The following GRM4 variants were observed in gnomAD, a reference collection of about 807,000 sequenced individuals.
GRM4 encodes glutamate metabotropic receptor 4.
GRM4 carries 28 observed loss-of-function variants against 81.7 expected under a neutral mutation model. The observed-to-expected ratio is 0.34, with a 90% CI of 0.25 to 0.47. The LOEUF is 0.47. Ranked by LOEUF, GRM4 falls within the 20% of genes least tolerant of loss-of-function variation. The probability of loss-of-function intolerance (pLI) is 1.00; values close to 1 mark genes in which losing one functional copy is unlikely to be tolerated. For missense variants in GRM4, 948 were observed against 1,290.0 expected, an observed-to-expected ratio of 0.73 and a Z score of 4.06; for synonymous variants, 488 against 528.8, an observed-to-expected ratio of 0.92 and a Z score of 1.06.
chr6:34,076,757 C>T (rs1767333236), intron 3 of GRM4, among the ~76,000 whole-genome samples: 1 of 152,158 alleles, frequency 6.6e-6, no homozygotes, highest in Non-Finnish European at 1.5e-5. Flanking sequence ...GCCCAGGGCC[C>T]AGATGTGAGC....
At position 34,115,709 on chromosome 6, in the gene GRM4, C is replaced by A. The variant is rs1769569007; in HGVS notation, c.519+17269G>T. ...ACTCCAATCCTCTGTCTGCTCCCAG[C>A]CCTCCCTAAATAACTGTGCAGCGCG... On this transcript the variant is annotated intron_variant, in intron 2 of 10. Coordinates refer to ENST00000538487, the MANE Select transcript of GRM4 (RefSeq NM_000841.4). The surrounding 1 kb of genome is among the most constrained non-coding windows in gnomAD (Gnocchi z 4.1). Among the ~76,000 whole-genome samples the A allele has an allele frequency of 6.6e-6, 1 of 152,208 alleles. No individual in the cohort carries two copies. Among genetic ancestry groups the A allele is most frequent in the Admixed American group, 6.5e-5 (1 of 15,286 alleles).
Position 34,040,203 on chromosome 6 carries a change from G to A in GRM4, c.1481C>T (p.Ser494Phe), listed in dbSNP as rs1463673580. The change falls in exon 8 of 11, where the codon TCC becomes TTC. Residue 494 changes from serine to phenylalanine, a missense_variant. Ser to Phe is a radical substitution (Grantham distance 155). Coordinates refer to ENST00000538487, the MANE Select transcript of GRM4 (RefSeq NM_000841.4). Reference protein sequence around the residue: ...NDSAEYKVIGSWTDHLHLRIE... With the variant: ...NDSAEYKVIGFWTDHLHLRIE... ...TCTAAGGTGCAGGTGGTCAGTCCAG[G>A]AGCCAATGACCTTGTACTCGGCAGA... is the stretch of plus-strand genomic sequence containing the variant. The A allele has an allele frequency of 6.2e-6, 10 of 1,613,988 alleles. No homozygotes were observed. The highest frequency in any genetic ancestry group is 8.5e-6 in the Non-Finnish European group (10 of 1,179,932).
chr6:34,105,062 G>A lies in GRM4; in HGVS notation c.520-12963C>T, dbSNP rs548225239. Among the ~76,000 whole-genome samples, 97 of 152,238 alleles carry A rather than the reference G, an allele frequency of 6.4e-4. 2 individuals are homozygous for A. Among genetic ancestry groups the A allele is most frequent in the Admixed American group, 3.3e-3 (51 of 15,304 alleles). On this transcript the variant is annotated intron_variant, in intron 2 of 10. Coordinates refer to ENST00000538487, the MANE Select transcript of GRM4 (RefSeq NM_000841.4). ...AAATTAACCATGGTGTCTGCCCAGT[G>A]CGTTCTCGAGTCAAGTTAATGTGCA...
At position 34,058,981 on chromosome 6, in the gene GRM4, G is replaced by T; in HGVS notation, c.1020C>A (p.Ser340=). The T allele has an allele frequency of 6.2e-7, 1 of 1,612,300 alleles. No homozygotes were observed. Among genetic ancestry groups the T allele is most frequent in the Non-Finnish European group, 8.5e-7 (1 of 1,179,672 alleles). The change falls in exon 5 of 11, where the codon TCC becomes TCA. Residue 340 remains serine (S), a synonymous_variant. Transcript: ENST00000538487. ...GAVTILPKRM[S]VRGFDRYFSS... ...GCACCCGCCCAGCCTTACCTCGTAC[G>T]GACATCCTCTTGGGGAGGATCGTGA...
chr6:34,104,629 T>C (rs1769025914), intron 2 of GRM4, among the ~76,000 whole-genome samples: 1 of 152,122 alleles, frequency 6.6e-6, no homozygotes, highest in African/African-American at 2.4e-5. Context: ...TGGCACACAC[T>C]GCGTGTCCAT....
At position 34,155,370 on chromosome 6, in the gene GRM4, T is replaced by C. The variant is rs935842182; in HGVS notation, c.21A>G (p.Gly7=). The C allele has an allele frequency of 1.3e-5, 20 of 1,503,938 alleles. No individual in the cohort carries two copies. The African/African-American group carries it at 2.6e-4, about 20-fold the overall frequency. 93.2% of individuals were successfully genotyped at this position (1,503,938 alleles called of 1,614,324 possible). The stretch of plus-strand genomic sequence containing the variant: ...CGCGCCAGCCGCAGGAAGCTGCAAC[T>C]CCAGGCTCCCAAGCCGGCATCCTCC... Residue 7 remains glycine, a synonymous_variant, in exon 1 of 9, where the codon GGA becomes GGG. Transcript: ENST00000374177.
At chr6:34,027,837 C>G (rs563930473) in intron 10 of GRM4, among the ~76,000 whole-genome samples, 1 of 152,314 alleles carries the variant, frequency 6.6e-6, no homozygotes, top group Non-Finnish European at 1.5e-5. Flanking sequence ...GGGCACAGAT[C>G]CCTGGAAGGG....
In GRM4 at chr6:34,044,863, GACAT is replaced by G. The variant is rs796740368; in HGVS notation, c.1169-4119_1169-4116del. Among the ~76,000 whole-genome samples the G allele has an allele frequency of 3.7e-3, 261 of 69,702 alleles. 5 individuals are homozygous for G. Among genetic ancestry groups the G allele is most frequent in the African/African-American group, 0.023 (229 of 10,172 alleles). 45.7% of individuals were successfully genotyped at this position (69,702 alleles called of 152,430 possible). A position where few individuals can be genotyped will look rare whatever the true frequency, so the allele number is the denominator to read the frequency against. The stretch of plus-strand genomic sequence containing the variant: ...ACATATATACATAGACACACACACA[GACAT>G]ACATACACATATATACAGACATACA... On this transcript the variant is annotated intron_variant, in intron 6 of 10. Coordinates refer to ENST00000538487, the MANE Select transcript of GRM4 (RefSeq NM_000841.4).
intron 3 of GRM4, among the ~76,000 whole-genome samples, chr6:34,079,337 C>T (rs1364955785): frequency 6.6e-6 from 1 of 152,144 alleles, no homozygotes; most frequent in Non-Finnish European, 1.5e-5. Flanking sequence ...CATCACTGCT[C>T]CTCAAGGCAG....
chr6:34,114,852 A>G lies in GRM4; in HGVS notation c.519+18126T>C, dbSNP rs1346549833. On this transcript the variant is annotated intron_variant, in intron 2 of 10. Coordinates refer to ENST00000538487, the MANE Select transcript of GRM4 (RefSeq NM_000841.4). This position sits in a 1 kb window ranked among gnomAD's most constrained non-coding sequence, Gnocchi z 4.3. ...ATCCAGGAAGGACCCAGATTTATTC[A>G]CTCGGCAATCCTGCCCATCCCCACC... Among the ~76,000 whole-genome samples, 2 of 152,006 alleles carry G rather than the reference A, an allele frequency of 1.3e-5. No individual in the cohort carries two copies. The highest frequency in any genetic ancestry group is 1.3e-4 in the Admixed American group (2 of 15,246).
intron 3 of GRM4, among the ~76,000 whole-genome samples, chr6:34,082,884 G>T (rs1396684920): frequency 6.6e-6 from 1 of 152,216 alleles, no homozygotes; most frequent in African/African-American, 2.4e-5. Context: ...CAGGCCGTCT[G>T]CCCCAGTGTC....
At chr6:34,081,447 AG>A (rs1767588543) in intron 3 of GRM4, among the ~76,000 whole-genome samples, 2 of 152,232 alleles carry the variant, frequency 1.3e-5, no homozygotes, top group Non-Finnish European at 2.9e-5. Context: ...TTCAGGCTCA[AG>A]GGCTCTGGGA....
At chr6:34,029,847 C>T (rs1426751241) in intron 9 of GRM4, among the ~76,000 whole-genome samples, 1 of 152,256 alleles carries the variant, frequency 6.6e-6, no homozygotes, top group Non-Finnish European at 1.5e-5. Flanking sequence ...CCTCAAAGTG[C>T]AGCCTCCAGG....
chr6:34,036,266 G>A lies in GRM4; in HGVS notation c.1844C>T (p.Thr615Met), dbSNP rs780360848. Residue 615 changes from threonine to methionine, a missense_variant, in exon 9 of 11, where the codon ACG (threonine) becomes ATG (methionine). By Grantham distance (81) the Thr-to-Met change is moderately conservative. Coordinates refer to ENST00000538487, the MANE Select transcript of GRM4 (RefSeq NM_000841.4). The surrounding 1 kb of genome is among the most constrained non-coding windows in gnomAD (Gnocchi z 9.0). ...VVITFVRYND[T>M]PIVKASGREL... ...ACGGCCCGAGGCCTTGACGATGGGCGTGTCGTTGTAGCGCACAAAGGTGAT... is the reference window on the plus strand; with the variant it reads ...ACGGCCCGAGGCCTTGACGATGGGCATGTCGTTGTAGCGCACAAAGGTGAT... 9 of 1,614,026 alleles carry A rather than the reference G, an allele frequency of 5.6e-6. No individual in the cohort carries two copies. Among genetic ancestry groups the A allele is most frequent in the Admixed American group, 1.7e-5 (1 of 60,004 alleles).
rs1763912639 is a variant in GRM4, at chr6:34,022,258, AGAG to A, written c.*560_*562del. 1 of 156,018 alleles carries A rather than the reference AGAG, an allele frequency of 6.4e-6. No homozygotes were observed. The highest frequency in any genetic ancestry group is 6.4e-5 in the Admixed American group (1 of 15,572). 9.7% of individuals were successfully genotyped at this position (156,018 alleles called of 1,614,324 possible). On this transcript the variant is annotated 3_prime_UTR_variant, in exon 11 of 11. Coordinates refer to ENST00000538487, the MANE Select transcript of GRM4 (RefSeq NM_000841.4). This position sits in a 1 kb window ranked among gnomAD's most constrained non-coding sequence, Gnocchi z 5.6. ...AGCAATGGCTGGACGAGAATGAAGC[AGAG>A]GAGAACAGGAAAGAAAACGGCAGAA...
In GRM4 at chr6:34,092,110, AG is replaced by A; in HGVS notation, c.520-12del. 1 of 1,580,686 alleles carries A rather than the reference AG, an allele frequency of 6.3e-7. No homozygotes were observed. Among genetic ancestry groups the A allele is most frequent in the Non-Finnish European group, 8.7e-7 (1 of 1,154,226 alleles). On this transcript the variant is annotated splice_polypyrimidine_tract_variant and intron_variant, in intron 2 of 10. Transcript: ENST00000538487. This position sits in a 1 kb window ranked among gnomAD's most constrained non-coding sequence, Gnocchi z 6.8. ...GCTGATCTGGGGTATCTGAGGGGCG[AG>A]AGGGGCTGCTGAGGGTGGCGACTGG...
Position 34,056,816 on chromosome 6 carries a change from C to T in GRM4, c.1028-132G>A, listed in dbSNP as rs983505688. On this transcript the variant is annotated intron_variant, in intron 5 of 10. Transcript: ENST00000538487. The stretch of plus-strand genomic sequence containing the variant: ...ACCAGGAGGAGCACATCCTCTGATC[C>T]AGGAGAAAACAAAATGTGGAGCATT... The T allele has an allele frequency of 1.7e-5, 17 of 972,628 alleles. No homozygotes were observed. The East Asian group carries it at 4.2e-4, about 24-fold the overall frequency. The allele number at this position is 972,628 out of a possible 1,614,324, so 60.2% of individuals were successfully genotyped here.
chr6:34,135,775 A>G (rs991307369), intron 1 of GRM4, among the ~76,000 whole-genome samples: 6 of 152,236 alleles, frequency 3.9e-5, no homozygotes, highest in East Asian at 3.8e-4. Context: ...GTACCAGGTA[A>G]TTCAGAAGAG....
chr6:34,091,507 C>G (rs958871150), intron 3 of GRM4: 3 of 220,798 alleles, frequency 1.4e-5, no homozygotes, highest in African/African-American at 4.6e-5. Context: ...CCTCTGAGAG[C>G]CTGCCTGGCT....
Sources: allele counts gnomAD v4.1 joint callset (sites outside exome capture counted in the v4.1 genomes callset), GRCh38; gene constraint gnomAD v4.1.1; non-coding constraint Gnocchi (gnomAD v3.1); transcripts MANE v1.5; gene names NCBI Gene and HGNC (gene_info 2026-07-23, HGNC 2026-07-21).